GRK5: variants seen among roughly 807,000 people sequenced by gnomAD.
GRK5 encodes the protein G protein-coupled receptor kinase 5.
Under a neutral mutation model 78.4 loss-of-function variants are expected in GRK5, and 40 were observed. The ratio of observed to expected loss-of-function variants is 0.51; its 90% confidence interval spans 0.40 to 0.66. The LOEUF is 0.66. GRK5 is among the 30% of genes least tolerant of loss of function. The probability of loss-of-function intolerance (pLI) is 0.00; values close to 1 mark genes in which losing one functional copy is unlikely to be tolerated. For synonymous variants in GRK5, 289 were observed against 296.8 expected, an observed-to-expected ratio of 0.97 and a Z score of 0.27; for missense variants, 598 against 759.9, an observed-to-expected ratio of 0.79 and a Z score of 2.50.
At chr10:119,347,239 G>T (rs1038087579) in intron 2 of GRK5, among the ~76,000 whole-genome samples, 1 of 152,110 alleles carries the variant, frequency 6.6e-6, no homozygotes, top group Non-Finnish European at 1.5e-5. Context: ...TGCAGTGTGT[G>T]TGTGTGCACA....
intron 1 of GRK5, among the ~76,000 whole-genome samples, chr10:119,261,092 C>G (rs1453339678): frequency 1.4e-5 from 2 of 147,216 alleles, no homozygotes; most frequent in Non-Finnish European, 3.0e-5. Flanking sequence ...ACGCTCCTCA[C>G]TTCCCAGACT....
chr10:119,346,100 A>C (rs1458768487), intron 2 of GRK5, among the ~76,000 whole-genome samples: 1 of 152,142 alleles, frequency 6.6e-6, no homozygotes, highest in Non-Finnish European at 1.5e-5. Context: ...TTTTCCTAGA[A>C]GGTGCGTGTG....
At chr10:119,210,801 AAGAC>A (rs1467514280) in intron 1 of GRK5, among the ~76,000 whole-genome samples, 2 of 152,230 alleles carry the variant, frequency 1.3e-5, no homozygotes, top group African/African-American at 4.8e-5. Context: ...ACCTTGAAGA[AAGAC>A]AGGCACACTT....
chr10:119,353,706 G>T (rs781257520), intron 2 of GRK5, among the ~76,000 whole-genome samples: 7 of 151,942 alleles, frequency 4.6e-5, no homozygotes, highest in Non-Finnish European at 8.8e-5. Flanking sequence ...GTCCAAAGGT[G>T]CTGGGGCCCC....
rs574065394 is a variant in GRK5, at chr10:119,458,257, C to A, written c.*3190C>A. 2.0e-5 allele frequency: 3 copies of A among 152,356 alleles called. No individual in the cohort carries two copies. The East Asian group carries it at 5.8e-4, about 29-fold the overall frequency. The allele number at this position is 152,356 out of a possible 1,614,324, so 9.4% of individuals were successfully genotyped here. On this transcript the variant is annotated 3_prime_UTR_variant, in exon 16 of 16. Coordinates refer to ENST00000392870, the MANE Select transcript of GRK5 (RefSeq NM_005308.3). ...TGCATTTCAGGAGATGAGCTGCTGT[C>A]CCTGGTGGACAGAGGCGGTCTCTGC...
intron 3 of GRK5, among the ~76,000 whole-genome samples, chr10:119,382,029 C>T: frequency 6.6e-6 from 1 of 152,294 alleles, no homozygotes; most frequent in Non-Finnish European, 1.5e-5. Context: ...AAGCTACCAG[C>T]CCTGAGACAT....
chr10:119,272,864 T>TGGAGGGACAGGGAGGCCAGCCCG (rs1849607049), intron 1 of GRK5, among the ~76,000 whole-genome samples: 1 of 152,128 alleles, frequency 6.6e-6, no homozygotes. Flanking sequence ...TTGATAGACC[T>TGGAGGGACAGGGAGGCCAGCCCG]GGAGGGACAG....
At chr10:119,371,513 G>A (rs1372859823) in intron 2 of GRK5, among the ~76,000 whole-genome samples, 2 of 152,258 alleles carry the variant, frequency 1.3e-5, no homozygotes, top group African/African-American at 4.8e-5. Flanking sequence ...TATGAGTCTT[G>A]AAGGAATTGA....
At chr10:119,313,058 GAT>G (rs1405551306) in intron 1 of GRK5, among the ~76,000 whole-genome samples, 25 of 150,822 alleles carry the variant, frequency 1.7e-4, no homozygotes, top group African/African-American at 6.2e-4. Context: ...TGGTAATGAT[GAT>G]GGTGGTGGTG....
At chr10:119,439,538 C>T (rs954838101) in intron 9 of GRK5, among the ~76,000 whole-genome samples, 193 bp from the exon 10 acceptor site, 2 of 152,246 alleles carry the variant, frequency 1.3e-5, no homozygotes, top group African/African-American at 2.4e-5. Context: ...GGCAGTGTTG[C>T]TTTAAATTAC....
At chr10:119,226,065 T>G (rs1848733259) in intron 1 of GRK5, among the ~76,000 whole-genome samples, 1 of 151,904 alleles carries the variant, frequency 6.6e-6, no homozygotes, top group Non-Finnish European at 1.5e-5. Context: ...GCCAGGATGG[T>G]CTCGATCTCC....
chr10:119,312,060 C>T (rs1199617755), intron 1 of GRK5, among the ~76,000 whole-genome samples: 1 of 151,804 alleles, frequency 6.6e-6, no homozygotes, highest in African/African-American at 2.4e-5. Context: ...GGGACTACAT[C>T]CACCCGCTGC....
In GRK5 at chr10:119,457,867, T is replaced by C. The variant is rs1355426241; in HGVS notation, c.*2800T>C. ...ATACTCAGCTAATTTTTAAAATTTT[T>C]TGTAGAGATGGGGGGGGGGTCTCCC... is the stretch of plus-strand genomic sequence containing the variant. On this transcript the variant is annotated 3_prime_UTR_variant, in exon 16 of 16. Coordinates refer to ENST00000392870, the MANE Select transcript of GRK5 (RefSeq NM_005308.3). The C allele has an allele frequency of 1.1e-5, 1 of 88,752 alleles. No individual in the cohort carries two copies. The highest frequency in any genetic ancestry group is 2.5e-5 in the Non-Finnish European group (1 of 39,720). 5.5% of individuals were successfully genotyped at this position (88,752 alleles called of 1,614,324 possible).
chr10:119,381,199 A>G (rs1851704510), intron 3 of GRK5, among the ~76,000 whole-genome samples: 1 of 152,158 alleles, frequency 6.6e-6, no homozygotes, highest in African/African-American at 2.4e-5. Flanking sequence ...TTGATTCTGG[A>G]AGCCTGGGTT....
At chr10:119,288,906 G>A (rs74157647) in intron 1 of GRK5, among the ~76,000 whole-genome samples, 2,697 of 152,266 alleles carry the variant, frequency 0.018, 85 homozygotes, top group African/African-American at 0.06. Context: ...GAACTTTTCT[G>A]TAAGCCAGGC....
rs1478806928 is a variant in GRK5 at position 119,276,932 on chromosome 10, A to G, written c.53-49584A>G. Among the ~76,000 whole-genome samples the G allele has an allele frequency of 3.9e-5, 6 of 152,226 alleles. No homozygotes were observed. In the East Asian group the frequency reaches 1.2e-3, roughly 29 times the overall value. On this transcript the variant is annotated intron_variant, in intron 1 of 15. Transcript: ENST00000392870. ...GTTCACAAGGGTCGTACCATGATCAATTATTATTACGTTACACATCACTTC... is the reference window on the plus strand; with the variant it reads ...GTTCACAAGGGTCGTACCATGATCAGTTATTATTACGTTACACATCACTTC...
intron 4 of GRK5, among the ~76,000 whole-genome samples, chr10:119,404,843 C>G (rs1320463831): frequency 6.6e-6 from 1 of 152,220 alleles, no homozygotes; most frequent in Non-Finnish European, 1.5e-5. Context: ...TACAGACTTG[C>G]TCCTGGAACT....
At chr10:119,237,009 AC>A (rs1196813833) in intron 1 of GRK5, among the ~76,000 whole-genome samples, 1 of 141,100 alleles carries the variant, frequency 7.1e-6, no homozygotes, top group Non-Finnish European at 1.5e-5. Context: ...CATTTATATC[AC>A]CTGACCAGCC....
At chr10:119,447,447 C>A (rs985237831) in intron 12 of GRK5, among the ~76,000 whole-genome samples, 2 of 152,172 alleles carry the variant, frequency 1.3e-5, no homozygotes, top group African/African-American at 2.4e-5. Flanking sequence ...ACTCACCCTG[C>A]ACGTCCTGCC....
Sources: allele counts gnomAD v4.1 joint callset (sites outside exome capture counted in the v4.1 genomes callset), GRCh38; gene constraint gnomAD v4.1.1; transcripts MANE v1.5; gene names NCBI Gene and HGNC (gene_info 2026-07-23, HGNC 2026-07-21).